ZNF141: variants seen among roughly 807,000 people sequenced by gnomAD.
ZNF141 encodes the protein zinc finger protein 141, also known as zinc finger protein 141 (clone pHZ-44).
ZNF141 carries 7 observed loss-of-function variants against 11.3 expected under a neutral mutation model. The observed-to-expected ratio is 0.62, with a 90% CI of 0.35 to 1.16. The LOEUF (loss-of-function observed/expected upper bound fraction) is 1.16, where lower values mean the gene tolerates loss of function less well. Ranked by LOEUF, ZNF141 falls within the 50% of genes most tolerant of loss-of-function variation. The pLI is 0.02. For synonymous variants in ZNF141, 183 were observed against 190.7 expected, an observed-to-expected ratio of 0.96 and a Z score of 0.33; for missense variants, 535 against 554.0, an observed-to-expected ratio of 0.97 and a Z score of 0.34.
intron 3 of ZNF141, among the ~76,000 whole-genome samples, chr4:346,465 A>G (rs1721320591): frequency 6.6e-6 from 1 of 152,228 alleles, no homozygotes; most frequent in African/African-American, 2.4e-5. Context: ...GTTTGGTAGT[A>G]AGAACACTTA....
intron 3 of ZNF141, among the ~76,000 whole-genome samples, chr4:363,690 G>A (rs567700763): frequency 3.3e-5 from 5 of 151,918 alleles, no homozygotes; most frequent in African/African-American, 7.2e-5. Flanking sequence ...CCCGGGAGGC[G>A]GAGCTTGCAG....
At chr4:341,359 C>A (rs1721042562) in intron 1 of ZNF141, among the ~76,000 whole-genome samples, 1 of 152,148 alleles carries the variant, frequency 6.6e-6, no homozygotes, top group Admixed American at 6.5e-5. Context: ...CCGTGCCCAG[C>A]CTGTTTTGTG....
At position 376,051 on chromosome 4, in the gene ZNF141, A is replaced by T. The variant is rs1553854583; in HGVS notation, c.*2189A>T. ...TATGTAATAAGATACAGTAAATTTT[A>T]AAATTATTTTAAGATTATGTGGGAA... On this transcript the variant is annotated 3_prime_UTR_variant, in exon 4 of 4. Coordinates refer to ENST00000240499, the MANE Select transcript of ZNF141 (RefSeq NM_003441.4). Among the ~76,000 whole-genome samples the T allele has an allele frequency of 1.3e-5, 2 of 152,090 alleles. No homozygotes were observed. The highest frequency in any genetic ancestry group is 2.1e-4 in the South Asian group (1 of 4,832).
rs924240736 is a variant in ZNF141, at chr4:375,256, A to C, written c.*1394A>C. The C allele has an allele frequency of 6.6e-6, 1 of 152,130 alleles. No homozygotes were observed. The highest frequency in any genetic ancestry group is 6.5e-5 in the Admixed American group (1 of 15,280). 9.4% of individuals were successfully genotyped at this position (152,130 alleles called of 1,614,324 possible). On this transcript the variant is annotated 3_prime_UTR_variant, in exon 4 of 4. Coordinates refer to ENST00000240499, the MANE Select transcript of ZNF141 (RefSeq NM_003441.4). ...GAAGAGTATTCTTAAGACAAACAAT[A>C]CAAATATAAAGAGGGTTGTAGTACC...
At chr4:368,626 A>G (rs1346641679) in intron 3 of ZNF141, among the ~76,000 whole-genome samples, 4 of 152,158 alleles carry the variant, frequency 2.6e-5, no homozygotes, top group Non-Finnish European at 5.9e-5. Flanking sequence ...ACTTTCATTT[A>G]TTTGCTTTCA....
intron 3 of ZNF141, among the ~76,000 whole-genome samples, chr4:368,542 A>G (rs1711862907): frequency 6.6e-6 from 1 of 152,200 alleles, no homozygotes; most frequent in Non-Finnish European, 1.5e-5. Flanking sequence ...ATGCCTGGCC[A>G]ATCGGCCAAT....
chr4:383,396 CAAAT>C lies in ZNF141; in HGVS notation c.*9537_*9540del, dbSNP rs1479105092. The C allele has an allele frequency of 4.9e-6, 2 of 411,382 alleles. No individual in the cohort carries two copies. Among genetic ancestry groups the C allele is most frequent in the African/African-American group, 4.1e-5 (2 of 48,940 alleles). The allele number at this position is 411,382 out of a possible 1,614,324, so 25.5% of individuals were successfully genotyped here. ...ACAGGATCTCAGGACAGATTGATCA[CAAAT>C]AACCTGCAAATGCTTGCCACCCTGT... On this transcript the variant is annotated 3_prime_UTR_variant, in exon 4 of 4. Coordinates refer to ENST00000240499, the MANE Select transcript of ZNF141 (RefSeq NM_003441.4).
In ZNF141 at chr4:384,182, T is replaced by C. The variant is rs1712806155; in HGVS notation, c.*10320T>C. The C allele has an allele frequency of 6.6e-6, 1 of 152,218 alleles. No homozygotes were observed. Among genetic ancestry groups the C allele is most frequent in the South Asian group, 2.1e-4 (1 of 4,838 alleles). The allele number at this position is 152,218 out of a possible 1,614,324, so 9.4% of individuals were successfully genotyped here. ...CCAGCCTGGCAATTAGGTCCAAAGA[T>C]AAATAGCAAAACAAGAAGTTTGCCT... is the stretch of plus-strand genomic sequence containing the variant. On this transcript the variant is annotated 3_prime_UTR_variant, in exon 4 of 4. Transcript: ENST00000240499.
chr4:376,644 A>T lies in ZNF141; in HGVS notation c.*2782A>T, dbSNP rs987393401. Among the ~76,000 whole-genome samples the T allele has an allele frequency of 2.0e-5, 3 of 152,120 alleles. No homozygotes were observed. Among genetic ancestry groups the T allele is most frequent in the South Asian group, 4.1e-4 (2 of 4,828 alleles). ...CTTTAGTTCCATTTACATGAAGTTA[A>T]GTATGTAAATGTGTTGCTGTAAAGA... On this transcript the variant is annotated 3_prime_UTR_variant, in exon 4 of 4. Transcript: ENST00000240499.
At chr4:359,543 C>T (rs1722012232) in intron 3 of ZNF141, among the ~76,000 whole-genome samples, 1 of 152,134 alleles carries the variant, frequency 6.6e-6, no homozygotes, top group African/African-American at 2.4e-5. Flanking sequence ...GGGTTCATGA[C>T]ATTTCTCCCT....
At position 344,326 on chromosome 4, in the gene ZNF141, A is replaced by G. The variant is rs76078467; in HGVS notation, c.131-9A>G. 2.2e-4 allele frequency: 354 copies of G among 1,604,128 alleles called. No individual in the cohort carries two copies. The highest frequency in any genetic ancestry group is 1.2e-3 in the Admixed American group (71 of 59,734). ...TAGTCATGTTATTATTTTTTTTAAA[A>G]TAAAACAGGTGTTGCTATCTCTAAC... On this transcript the variant is annotated splice_polypyrimidine_tract_variant and intron_variant, in intron 2 of 3. Coordinates refer to ENST00000240499, the MANE Select transcript of ZNF141 (RefSeq NM_003441.4).
At position 382,350 on chromosome 4, in the gene ZNF141, G is replaced by T. The variant is rs1434880246; in HGVS notation, c.*8488G>T. On this transcript the variant is annotated 3_prime_UTR_variant, in exon 4 of 4. Coordinates refer to ENST00000240499, the MANE Select transcript of ZNF141 (RefSeq NM_003441.4). ...TTGTCCCTTCGAAGCATACTCTGCT[G>T]GTTGGCTAAATTGCACTGGGAAAAA... Among the ~76,000 whole-genome samples, 1 of 152,084 alleles carries T rather than the reference G, an allele frequency of 6.6e-6. No individual in the cohort carries two copies. The highest frequency in any genetic ancestry group is 1.5e-5 in the Non-Finnish European group (1 of 68,028).
rs782255481 is a variant in ZNF141 at position 373,117 on chromosome 4, T to A, written c.680T>A (p.Phe227Tyr). The A allele has an allele frequency of 6.2e-7, 1 of 1,611,554 alleles. No individual in the cohort carries two copies. Among genetic ancestry groups the A allele is most frequent in the Non-Finnish European group, 8.5e-7 (1 of 1,179,346 alleles). Residue 227 changes from phenylalanine (F) to tyrosine (Y), a missense_variant, in exon 4 of 4, where the codon TTT becomes TAT. Transcript: ENST00000240499. ...AGAATTCATACTGGAGAGAAACCTT[T>A]TACTTGTGAAGAATGTGGCAGCATC... ...HKRIHTGEKP[F>Y]TCEECGSIFT... is the part of the protein sequence containing the mutation.
At chr4:364,438 G>C (rs1271544088) in intron 3 of ZNF141, among the ~76,000 whole-genome samples, 1 of 152,118 alleles carries the variant, frequency 6.6e-6, no homozygotes, top group Non-Finnish European at 1.5e-5. Flanking sequence ...ATGTGTCCAG[G>C]AATTTATCCA....
In ZNF141 at chr4:358,250, C is replaced by T. The variant is rs1224975430; in HGVS notation, c.226+13820C>T. The T allele has an allele frequency of 2.4e-5, 9 of 379,844 alleles. No individual in the cohort carries two copies. The East Asian group carries it at 4.7e-4, about 20-fold the overall frequency. 23.5% of individuals were successfully genotyped at this position (379,844 alleles called of 1,614,324 possible). ...TCACCCAGACTGGAGTGCAATGGCA[C>T]GATCTTGGCTGACTGCAACCTCTAC... On this transcript the variant is annotated intron_variant, in intron 3 of 3. Coordinates refer to ENST00000240499, the MANE Select transcript of ZNF141 (RefSeq NM_003441.4).
At chr4:350,508 C>G (rs1721545360) in intron 3 of ZNF141, among the ~76,000 whole-genome samples, 1 of 152,180 alleles carries the variant, frequency 6.6e-6, no homozygotes, top group African/African-American at 2.4e-5. Context: ...CTTTTAAAAT[C>G]TTTCATTCAT....
At position 384,190 on chromosome 4, in the gene ZNF141, AAAAC is replaced by A. The variant is rs1712806720; in HGVS notation, c.*10331_*10334del. 1 of 152,248 alleles carries A rather than the reference AAAAC, an allele frequency of 6.6e-6. No homozygotes were observed. The highest frequency in any genetic ancestry group is 2.1e-4 in the South Asian group (1 of 4,838). 9.4% of individuals were successfully genotyped at this position (152,248 alleles called of 1,614,324 possible). A position where few individuals can be genotyped will look rare whatever the true frequency, so the allele number is the denominator to read the frequency against. On this transcript the variant is annotated 3_prime_UTR_variant, in exon 4 of 4. Transcript: ENST00000240499. ...GCAATTAGGTCCAAAGATAAATAGC[AAAAC>A]AAGAAGTTTGCCTTTAATCTATTCC...
At chr4:346,863 A>G (rs1216269580) in intron 3 of ZNF141, among the ~76,000 whole-genome samples, 2 of 140,620 alleles carry the variant, frequency 1.4e-5, no homozygotes. Context: ...ATATACATGT[A>G]TGTATATATA....
intron 3 of ZNF141, among the ~76,000 whole-genome samples, chr4:347,128 C>A (rs1721368036): frequency 1.3e-5 from 2 of 149,558 alleles, no homozygotes; most frequent in South Asian, 4.2e-4. Context: ...GCCTCTGGGT[C>A]CTGGGTTCAA....
Sources: gnomAD v4.1 joint callset for allele counts (sites outside exome capture counted in the v4.1 genomes callset) on GRCh38, gnomAD v4.1.1 for gene constraint, MANE v1.5 for transcripts, NCBI Gene and HGNC (gene_info 2026-07-23, HGNC 2026-07-21) for gene names.